WBP2NL: variants seen among roughly 807,000 people sequenced by gnomAD.
WBP2NL encodes the protein WBP2 N-terminal like.
WBP2NL carries 27 observed loss-of-function variants against 23.3 expected under a neutral mutation model. That is an observed-to-expected ratio of 1.16 (90% CI 0.85 to 1.60). The LOEUF (loss-of-function observed/expected upper bound fraction) is 1.60. WBP2NL is among the 40% of genes most tolerant of loss of function. The pLI is 0.00. For missense variants in WBP2NL, 370 were observed against 389.5 expected, an observed-to-expected ratio of 0.95 and a Z score of 0.42; for synonymous variants, 151 against 145.9, an observed-to-expected ratio of 1.03 and a Z score of -0.25.
At chr22:42,033,465 A>G (rs1925067244), downstream of WBP2NL, among the ~76,000 whole-genome samples, 1 of 152,170 alleles carries the variant, frequency 6.6e-6, no homozygotes, top group Admixed American at 6.5e-5. Context: ...CAGGTCTTTT[A>G]GCCTCATTTA....
At chr22:42,029,112 C>T (rs1463627381), downstream of WBP2NL, among the ~76,000 whole-genome samples, 1 of 152,128 alleles carries the variant, frequency 6.6e-6, no homozygotes, top group Admixed American at 6.6e-5. Flanking sequence ...TTGGCCTTTC[C>T]TTATCTTATT....
downstream of WBP2NL, chr22:42,032,532 C>T (rs1925014431): frequency 3.9e-6 from 1 of 257,416 alleles, no homozygotes; most frequent in Non-Finnish European, 8.2e-6. Flanking sequence ...CTTTCCTTGC[C>T]TAGCACTTGG....
chr22:42,057,149 T>C (rs1926068335), intron 8 of WBP2NL, among the ~76,000 whole-genome samples: 2 of 152,168 alleles, frequency 1.3e-5, no homozygotes, highest in Admixed American at 1.3e-4. Flanking sequence ...CCCCTTTCTC[T>C]TTTTTTATGT....
chr22:42,031,987 C>G (rs1287781257), downstream of WBP2NL: 1 of 152,166 alleles, frequency 6.6e-6, no homozygotes, highest in African/African-American at 2.4e-5. Context: ...TCGGCCTGTG[C>G]CTGGCCGATT....
chr22:42,027,177 C>T lies in WBP2NL; in HGVS notation c.926C>T (p.Ser309Phe). Reference sequence around the variant, plus strand: ...TCTGCCTCCTCTTCTCAGGTCCATTCTTAACCTTCTAAGATGTAAACCTTG... The same window carrying T: ...TCTGCCTCCTCTTCTCAGGTCCATTTTTAACCTTCTAAGATGTAAACCTTG... ...LPSASSSQVH[S>F] Residue 309 changes from serine to phenylalanine, a missense_variant, in exon 6 of 6, where the codon TCT (serine) becomes TTT (phenylalanine). Physicochemically the swap from Ser to Phe is radical, Grantham distance 155. Coordinates refer to ENST00000328823, the MANE Select transcript of WBP2NL (RefSeq NM_152613.3). 2.5e-6 allele frequency: 4 copies of T among 1,606,302 alleles called. No homozygotes were observed. The highest frequency in any genetic ancestry group is 3.4e-6 in the Non-Finnish European group (4 of 1,176,774).
chr22:42,033,776 G>A (rs150477534), downstream of WBP2NL, among the ~76,000 whole-genome samples: 8 of 152,304 alleles, frequency 5.3e-5, no homozygotes, highest in East Asian at 1.9e-4. Context: ...GCAGCTGGTC[G>A]TCCCAACATC....
chr22:42,048,447 C>T (rs1925684900), intron 8 of WBP2NL, among the ~76,000 whole-genome samples: 1 of 151,534 alleles, frequency 6.6e-6, no homozygotes, highest in African/African-American at 2.4e-5. Context: ...AAAAATCTAG[C>T]TTCTCTTCAT....
chr22:42,012,991 CA>C (rs1170750173), intron 1 of WBP2NL, among the ~76,000 whole-genome samples: 60 of 129,166 alleles, frequency 4.6e-4, no homozygotes, highest in South Asian at 7.7e-4. Context: ...GACTCTGTCT[CA>C]AAAAAAAAAA....
At chr22:42,022,139 G>C in intron 4 of WBP2NL, 110 bp from the exon 5 acceptor site, 1 of 893,588 alleles carries the variant, frequency 1.1e-6, no homozygotes. Context: ...AGCATTGTTG[G>C]AAACACATGT....
chr22:42,026,614 G>T, intron 5 of WBP2NL, 152 bp from the exon 6 acceptor site: 4 of 1,261,648 alleles, frequency 3.2e-6, no homozygotes, highest in Non-Finnish European at 2.2e-6. Flanking sequence ...GCCTTCAATT[G>T]GTGATAGCTA....
At chr22:42,056,194 G>A (rs1374543085) in intron 8 of WBP2NL, among the ~76,000 whole-genome samples, 1 of 150,516 alleles carries the variant, frequency 6.6e-6, no homozygotes, top group African/African-American at 2.4e-5. Flanking sequence ...AAGTTTTTTT[G>A]TGGTTGCCAT....
At chr22:42,019,029 T>C (rs1923615493) in intron 1 of WBP2NL, among the ~76,000 whole-genome samples, 2 of 151,656 alleles carry the variant, frequency 1.3e-5, no homozygotes, top group Admixed American at 6.6e-5. Context: ...GAGACCATCC[T>C]GGCTAACAGT....
rs374570723 is a variant in WBP2NL, at chr22:41,998,816, A to G, written c.-3A>G. The G allele has an allele frequency of 3.7e-6, 6 of 1,609,352 alleles. No individual in the cohort carries two copies. The South Asian group carries it at 4.4e-5, about 12-fold the overall frequency. Reference sequence around the variant, plus strand: ...TACGGGGCGGCAGGAGGCCCGAAGCAAGATGGCGGTGAATCAGAGCCACAC... The same window carrying G: ...TACGGGGCGGCAGGAGGCCCGAAGCGAGATGGCGGTGAATCAGAGCCACAC... On this transcript the variant is annotated 5_prime_UTR_variant, in exon 1 of 6. Coordinates refer to ENST00000328823, the MANE Select transcript of WBP2NL (RefSeq NM_152613.3).
downstream of WBP2NL, among the ~76,000 whole-genome samples, chr22:42,029,250 A>G (rs1220425556): frequency 6.9e-6 from 1 of 145,562 alleles, no homozygotes; most frequent in Non-Finnish European, 1.5e-5. Context: ...ACTTGAGGCC[A>G]GTTCAAGACC....
At chr22:42,022,982 GT>G (rs1322222410) in intron 5 of WBP2NL, among the ~76,000 whole-genome samples, 1 of 152,162 alleles carries the variant, frequency 6.6e-6, no homozygotes, top group Non-Finnish European at 1.5e-5. Context: ...AGGTACCTTG[GT>G]TTTTAAAGGT....
At chr22:42,048,046 C>T (rs978526377) in intron 8 of WBP2NL, among the ~76,000 whole-genome samples, 2 of 152,040 alleles carry the variant, frequency 1.3e-5, no homozygotes, top group Non-Finnish European at 2.9e-5. Flanking sequence ...AAAAATACAC[C>T]ATGACCAAGT....
In WBP2NL at chr22:42,040,945, G is replaced by C. The variant is rs1043475589; in HGVS notation, c.*273+10122G>C. ...TTGGTGTATAGTGTTATTCAAATCA[G>C]TTGTTTTTTTATTGGTTGTCTGCCT... On this transcript the variant is annotated intron_variant and NMD_transcript_variant, in intron 8 of 8. Transcript: ENST00000436265. Among the ~76,000 whole-genome samples the C allele has an allele frequency of 2.2e-4, 33 of 152,268 alleles. 1 individual carries two copies. Among genetic ancestry groups the C allele is most frequent in the Admixed American group, 1.4e-3 (21 of 15,296 alleles).
At chr22:42,001,754 G>A (rs1425139691) in intron 1 of WBP2NL, 6 of 1,207,930 alleles carry the variant, frequency 5.0e-6, no homozygotes, top group Admixed American at 3.4e-5. Context: ...CCAGGTTACC[G>A]CACCAGGACA....
At chr22:42,052,304 A>T (rs1402926667) in intron 8 of WBP2NL, among the ~76,000 whole-genome samples, 1 of 151,626 alleles carries the variant, frequency 6.6e-6, no homozygotes, top group Non-Finnish European at 1.5e-5. Context: ...TTTTTTTGAG[A>T]TGGAGTCTGG....
Sources: gnomAD v4.1 joint callset for allele counts (sites outside exome capture counted in the v4.1 genomes callset) on GRCh38, gnomAD v4.1.1 for gene constraint, MANE v1.5 for transcripts, NCBI Gene and HGNC (gene_info 2026-07-23, HGNC 2026-07-21) for gene names.